The following ACOT11 variants were observed in gnomAD, a reference collection of about 807,000 sequenced individuals.
ACOT11 encodes the protein acyl-CoA thioesterase 11.
ACOT11 carries 69 observed loss-of-function variants against 77.5 expected under a neutral mutation model. The observed-to-expected ratio is 0.89, with a 90% CI of 0.73 to 1.09. The LOEUF is 1.09. ACOT11 is among the 50% of genes least tolerant of loss of function. The probability of loss-of-function intolerance (pLI) is 0.00; values close to 1 mark genes in which losing one functional copy is unlikely to be tolerated. For synonymous variants in ACOT11, 279 were observed against 313.0 expected, an observed-to-expected ratio of 0.89 and a Z score of 1.15; for missense variants, 766 against 813.7, an observed-to-expected ratio of 0.94 and a Z score of 0.71.
At chr1:54,625,259 C>T (rs1188926006) in intron 15 of ACOT11, among the ~76,000 whole-genome samples, 1 of 110,268 alleles carries the variant, frequency 9.1e-6, no homozygotes, top group Non-Finnish European at 2.1e-5. Flanking sequence ...ATCAACTCAA[C>T]AAACTCAGCA....
intron 8 of ACOT11, 121 bp from the exon 9 acceptor site, chr1:54,601,148 T>C (rs1458794427): frequency 1.8e-6 from 2 of 1,127,100 alleles, no homozygotes; most frequent in South Asian, 1.5e-5. Flanking sequence ...TACGTGTGTG[T>C]GTGTGCATGC....
chr1:54,585,425 C>T (rs1439567473), intron 2 of ACOT11, among the ~76,000 whole-genome samples: 1 of 152,152 alleles, frequency 6.6e-6, no homozygotes, highest in Non-Finnish European at 1.5e-5. Flanking sequence ...GTGAGAATGA[C>T]TCAGGCAGGG....
intron 1 of ACOT11, among the ~76,000 whole-genome samples, chr1:54,574,115 C>A (rs1490973313): frequency 6.6e-6 from 1 of 152,138 alleles, no homozygotes; most frequent in Non-Finnish European, 1.5e-5. Context: ...TCAATCTTAC[C>A]TGCCGCCCAC....
intron 1 of ACOT11, among the ~76,000 whole-genome samples, chr1:54,563,046 C>G (rs1435317303): frequency 9.3e-5 from 14 of 151,066 alleles, no homozygotes; most frequent in Non-Finnish European, 1.3e-4. Flanking sequence ...TTTGGGAGGC[C>G]AAGGCAGGCG....
Position 54,633,494 on chromosome 1 carries a change from A to C in ACOT11, c.1783-1194A>C, listed in dbSNP as rs139239494. Among the ~76,000 whole-genome samples, 9 of 152,332 alleles carry C rather than the reference A, an allele frequency of 5.9e-5. No individual in the cohort carries two copies. In the East Asian group the frequency reaches 1.7e-3, roughly 29 times the overall value. On this transcript the variant is annotated intron_variant, in intron 16 of 16. Transcript: ENST00000371316. ...AGATTTAAAAGACTGTTTCTTTACT[A>C]TACCTTTAGCTGAGCAAGACTGCGA...
chr1:54,592,503 C>G, intron 3 of ACOT11, 43 bp from the exon 4 acceptor site: 1 of 1,589,510 alleles, frequency 6.3e-7, no homozygotes, highest in Non-Finnish European at 8.6e-7. Context: ...GTTCCTCCCT[C>G]TGGCCCCTCT....
rs371631308 is a variant in ACOT11 at position 54,582,773 on chromosome 1, CTG to C, written c.34-1872_34-1871del. Among the ~76,000 whole-genome samples the C allele has an allele frequency of 1.8e-4, 28 of 152,212 alleles. 1 individual carries two copies. In the East Asian group the frequency reaches 4.6e-3, roughly 25 times the overall value. On this transcript the variant is annotated intron_variant, in intron 1 of 15. Coordinates refer to ENST00000343744, the MANE Select transcript of ACOT11 (RefSeq NM_147161.4). ...GCGGGGGTGCTGTGTGTCGGCGTCC[CTG>C]TGTGTGTGTCCAGACTGCCCAGAAA...
intron 1 of ACOT11, among the ~76,000 whole-genome samples, chr1:54,552,496 G>T (rs1264431523): frequency 6.6e-6 from 1 of 151,992 alleles, no homozygotes; most frequent in African/African-American, 2.4e-5. Flanking sequence ...TTGTTTGTTT[G>T]TTTTTGAGGC....
intron 1 of ACOT11, among the ~76,000 whole-genome samples, chr1:54,567,992 A>G (rs967042472): frequency 2.6e-5 from 4 of 152,164 alleles, no homozygotes; most frequent in African/African-American, 9.7e-5. Flanking sequence ...ACTGGGACAT[A>G]CAAGACCTTA....
Position 54,604,389 on chromosome 1 carries a change from T to G in ACOT11, c.1196T>G (p.Val399Gly). The change falls in exon 12 of 16, where the codon GTG becomes GGG. Residue 399 changes from valine (V) to glycine (G), a missense_variant. Coordinates refer to ENST00000343744, the MANE Select transcript of ACOT11 (RefSeq NM_147161.4). ...AACGTCTCCTCCTTGAAGATGCTTGTGGCCAAGGACAACTGGGTGCTGTCC... is the reference window on the plus strand; with the variant it reads ...AACGTCTCCTCCTTGAAGATGCTTGGGGCCAAGGACAACTGGGTGCTGTCC... ...YNNVSSLKMLVAKDNWVLSSE... is the reference protein window; with the variant it reads ...YNNVSSLKMLGAKDNWVLSSE... 1 of 1,614,044 alleles carries G rather than the reference T, an allele frequency of 6.2e-7. No homozygotes were observed. Among genetic ancestry groups the G allele is most frequent in the Non-Finnish European group, 8.5e-7 (1 of 1,180,018 alleles).
In ACOT11 at chr1:54,609,707, G is replaced by A. The variant is rs1344811980; in HGVS notation, c.*595G>A. 1 of 1,614,100 alleles carries A rather than the reference G, an allele frequency of 6.2e-7. No homozygotes were observed. Among genetic ancestry groups the A allele is most frequent in the South Asian group, 1.1e-5 (1 of 91,088 alleles). On this transcript the variant is annotated 3_prime_UTR_variant, in exon 16 of 16. Transcript: ENST00000343744. ...GGAGATTTTGGCCCCAACCCACACA[G>A]GCCAATGCAAGAGGCCAAGGCTGGA...
At chr1:54,556,046 C>T (rs1653246092) in intron 1 of ACOT11, among the ~76,000 whole-genome samples, 1 of 152,146 alleles carries the variant, frequency 6.6e-6, no homozygotes, top group African/African-American at 2.4e-5. Context: ...CTGCACCTGG[C>T]CTGATTTTTT....
At position 54,605,115 on chromosome 1, in the gene ACOT11, T is replaced by C. The variant is rs759342475; in HGVS notation, c.1276T>C (p.Phe426Leu). The C allele has an allele frequency of 2.5e-6, 4 of 1,613,854 alleles. No homozygotes were observed. Among genetic ancestry groups the C allele is most frequent in the Non-Finnish European group, 2.5e-6 (3 of 1,180,014 alleles). Residue 426 changes from phenylalanine (F) to leucine (L), a missense_variant, in exon 13 of 16, where the codon TTC becomes CTC. Coordinates refer to ENST00000343744, the MANE Select transcript of ACOT11 (RefSeq NM_147161.4). ...TCTGGAGGATGACAAGTTCCTCTCC[T>C]TCCACATGGAGATGGTGGTGCATGT... The part of the protein sequence containing the change: ...YTLEDDKFLS[F>L]HMEMVVHVDA...
chr1:54,609,965 A>G lies in ACOT11; in HGVS notation c.*853A>G, dbSNP rs1280958250. 1 of 1,589,450 alleles carries G rather than the reference A, an allele frequency of 6.3e-7. No individual in the cohort carries two copies. Among genetic ancestry groups the G allele is most frequent in the South Asian group, 1.1e-5 (1 of 88,898 alleles). ...GTCTGGAAGAGGCGGCAGAGGCAAC[A>G]GTGTTTAGGATTTGGGTTATCATAA... On this transcript the variant is annotated 3_prime_UTR_variant, in exon 16 of 16. Coordinates refer to ENST00000343744, the MANE Select transcript of ACOT11 (RefSeq NM_147161.4).
At chr1:54,593,832 C>T (rs41301080) in intron 4 of ACOT11, 109 bp from the exon 5 acceptor site, 15,493 of 904,130 alleles carry the variant, frequency 0.017, 207 homozygotes, top group Non-Finnish European at 0.021. Flanking sequence ...TGCAGAAACT[C>T]TGGAGGCCTG....
intron 1 of ACOT11, among the ~76,000 whole-genome samples, chr1:54,548,996 A>G (rs1359576774): frequency 3.9e-5 from 6 of 152,194 alleles, no homozygotes; most frequent in African/African-American, 1.4e-4. Context: ...CTCAGGACAG[A>G]CTGGCAGAGG....
intron 15 of ACOT11, among the ~76,000 whole-genome samples, chr1:54,622,275 C>CA (rs34730286): frequency 0.038 from 1,659 of 44,076 alleles, 29 homozygotes; most frequent in African/African-American, 0.056. Context: ...GACTCTGTCT[C>CA]AAAAAAAAAA....
chr1:54,554,345 A>ATTT (rs1653181620), intron 1 of ACOT11, among the ~76,000 whole-genome samples: 3 of 100,530 alleles, frequency 3.0e-5, no homozygotes, highest in Non-Finnish European at 4.3e-5. Flanking sequence ...ATATATATAT[A>ATTT]TATATATTTT....
intron 15 of ACOT11, chr1:54,623,135 C>CA: frequency 3.3e-6 from 2 of 602,680 alleles, no homozygotes; most frequent in Non-Finnish European, 5.8e-6. Flanking sequence ...GAGAATCGTG[C>CA]CATTGTACTC....
Sources: allele counts gnomAD v4.1 joint callset (sites outside exome capture counted in the v4.1 genomes callset), GRCh38; gene constraint gnomAD v4.1.1; transcripts MANE v1.5; gene names NCBI Gene and HGNC (gene_info 2026-07-23, HGNC 2026-07-21).